Variants in AUTS2 observed in about 807,000 individuals in gnomAD.
AUTS2 encodes activator of transcription and developmental regulator AUTS2, also known as autism susceptibility gene 2 protein.
In AUTS2, 17 loss-of-function variants were observed where a neutral mutation model predicts 112.4. The observed-to-expected ratio is 0.15, with a 90% CI of 0.10 to 0.23. The LOEUF (loss-of-function observed/expected upper bound fraction) is 0.23, where lower values mean the gene tolerates loss of function less well. Among genes scored for constraint, AUTS2 ranks in the 10% least tolerant of loss-of-function variants. AUTS2 has a pLI of 1.00. For synonymous variants in AUTS2, 751 were observed against 702.7 expected (o/e 1.07, Z -1.09); for missense variants, 1,510 against 1,701.6 (o/e 0.89, Z 1.98).
At chr7:69,842,069 G>C (rs1792005217) in intron 1 of AUTS2, among the ~76,000 whole-genome samples, 1 of 152,130 alleles carries the variant, frequency 6.6e-6, no homozygotes, top group South Asian at 2.1e-4. Flanking sequence ...CATAGAGAAA[G>C]CTGTGAATTC....
intron 4 of AUTS2, among the ~76,000 whole-genome samples, chr7:70,258,271 A>G (rs1289590025): frequency 6.6e-6 from 1 of 152,218 alleles, no homozygotes; most frequent in Admixed American, 6.5e-5. Flanking sequence ...AGAGGTCAAG[A>G]AAGGGCATCT....
chr7:70,392,756 T>G (rs1793920446), intron 4 of AUTS2, among the ~76,000 whole-genome samples: 2 of 152,210 alleles, frequency 1.3e-5, no homozygotes, highest in Non-Finnish European at 2.9e-5. Flanking sequence ...TTGGTACCGC[T>G]CTTGCTTTGA....
intron 2 of AUTS2, among the ~76,000 whole-genome samples, chr7:69,975,798 G>A (rs937996179): frequency 1.7e-4 from 25 of 151,084 alleles, no homozygotes; most frequent in African/African-American, 5.1e-4. Flanking sequence ...AGCAATTCTC[G>A]GGTCTCAGCC....
intron 4 of AUTS2, among the ~76,000 whole-genome samples, chr7:70,276,870 G>A (rs1403209363): frequency 6.6e-6 from 1 of 152,166 alleles, no homozygotes; most frequent in Non-Finnish European, 1.5e-5. Context: ...TCAAAGAAAA[G>A]AGTTTATCAG....
At chr7:70,576,174 C>G (rs974049682) in intron 5 of AUTS2, among the ~76,000 whole-genome samples, 1 of 152,156 alleles carries the variant, frequency 6.6e-6, no homozygotes, top group African/African-American at 2.4e-5. Context: ...ATCACCAACA[C>G]CAGTGCACTG....
chr7:69,755,606 A>T (rs1787914828), intron 1 of AUTS2, among the ~76,000 whole-genome samples: 1 of 152,206 alleles, frequency 6.6e-6, no homozygotes, highest in African/African-American at 2.4e-5. Flanking sequence ...GAGCAACATT[A>T]TGATGAGAGC....
chr7:70,547,791 G>A (rs1478935287), intron 5 of AUTS2, among the ~76,000 whole-genome samples: 2 of 152,148 alleles, frequency 1.3e-5, no homozygotes, highest in Non-Finnish European at 2.9e-5. Context: ...GAGTGGACAT[G>A]TGTTTTCATT....
At chr7:70,771,714 G>A (rs77689385) in intron 11 of AUTS2, 70 bp downstream of exon 11, 1 of 1,387,396 alleles carries the variant, frequency 7.2e-7, no homozygotes, top group Non-Finnish European at 1.0e-6. Flanking sequence ...CGTGCAGGAA[G>A]TTCTGCGTCC....
chr7:70,146,569 ATCT>A (rs1584789108), intron 4 of AUTS2, among the ~76,000 whole-genome samples: 1 of 151,916 alleles, frequency 6.6e-6, no homozygotes, highest in East Asian at 1.9e-4. Flanking sequence ...CTTTTCTCTC[ATCT>A]TCTGTTTTCC....
chr7:70,631,109 C>A lies in AUTS2; in HGVS notation c.691-67460C>A, dbSNP rs1348881091. 2.0e-5 allele frequency among the ~76,000 whole-genome samples: 3 copies of A among 152,296 alleles called. No homozygotes were observed. The East Asian group carries it at 5.8e-4, about 29-fold the overall frequency. ...TGCTTCCCTCAGCAGCAGCCACAGC[C>A]AGCAACCCGCTCTGGCCCCTCGCCG... On this transcript the variant is annotated intron_variant, in intron 5 of 18. Transcript: ENST00000342771. This position sits in a 1 kb window ranked among gnomAD's most constrained non-coding sequence, Gnocchi z 4.5.
At chr7:70,590,790 G>A (rs910546618) in intron 5 of AUTS2, among the ~76,000 whole-genome samples, 1 of 152,196 alleles carries the variant, frequency 6.6e-6, no homozygotes, top group Non-Finnish European at 1.5e-5. Context: ...AAACATACGT[G>A]TAGTTGTGAA....
chr7:70,602,067 A>G (rs1803500320), intron 5 of AUTS2, among the ~76,000 whole-genome samples: 1 of 152,104 alleles, frequency 6.6e-6, no homozygotes. Flanking sequence ...AAGATACCTG[A>G]GACTACCAGG....
Position 69,803,375 on chromosome 7 carries a change from C to T in AUTS2, c.310-95911C>T, listed in dbSNP as rs138673999. Among the ~76,000 whole-genome samples the T allele has an allele frequency of 3.5e-3, 538 of 152,136 alleles. 2 individuals are homozygous for T. The highest frequency in any genetic ancestry group is 0.012 in the African/African-American group (511 of 41,460). ...CCAGTGGGGGCCATCTAGAAGCCACCGATGCCCACTAATATAACAAAACTC... is the reference window on the plus strand; with the variant it reads ...CCAGTGGGGGCCATCTAGAAGCCACTGATGCCCACTAATATAACAAAACTC... On this transcript the variant is annotated intron_variant, in intron 1 of 18. Coordinates refer to ENST00000342771, the MANE Select transcript of AUTS2 (RefSeq NM_015570.4).
At chr7:70,475,214 C>T (rs1797537361) in intron 5 of AUTS2, among the ~76,000 whole-genome samples, 1 of 152,166 alleles carries the variant, frequency 6.6e-6, no homozygotes, top group East Asian at 1.9e-4. Flanking sequence ...GCTCACCTAT[C>T]CCTAACATGC....
chr7:70,505,802 T>A (rs1798937410), intron 5 of AUTS2, among the ~76,000 whole-genome samples: 1 of 152,136 alleles, frequency 6.6e-6, no homozygotes, highest in Non-Finnish European at 1.5e-5. Context: ...GGACCTTTCA[T>A]GTTTCTCTGC....
At chr7:70,752,295 C>T (rs1201639764) in intron 6 of AUTS2, among the ~76,000 whole-genome samples, 2 of 152,114 alleles carry the variant, frequency 1.3e-5, no homozygotes, top group Admixed American at 6.5e-5. Context: ...TCTTTAAAAG[C>T]TTTCTCCGAA....
chr7:69,933,862 T>C (rs897132121), intron 2 of AUTS2, among the ~76,000 whole-genome samples: 29 of 152,296 alleles, frequency 1.9e-4, no homozygotes, highest in African/African-American at 5.8e-4. Flanking sequence ...TTGAAACCTT[T>C]GTTCTTTCCC....
intron 1 of AUTS2, among the ~76,000 whole-genome samples, chr7:69,771,968 A>C (rs1480462187): frequency 1.3e-5 from 2 of 152,030 alleles, no homozygotes; most frequent in Non-Finnish European, 2.9e-5. Context: ...TGTTTTTAGT[A>C]GAGATGGAGT....
At chr7:69,807,326 ATTAG>A (rs948663937) in intron 1 of AUTS2, among the ~76,000 whole-genome samples, 7 of 152,202 alleles carry the variant, frequency 4.6e-5, no homozygotes, top group African/African-American at 1.4e-4. Flanking sequence ...TTTTAGGTGT[ATTAG>A]TTATGTATGG....
Sources: allele counts gnomAD v4.1 joint callset (sites outside exome capture counted in the v4.1 genomes callset), GRCh38; gene constraint gnomAD v4.1.1; non-coding constraint Gnocchi (gnomAD v3.1); transcripts MANE v1.5; gene names NCBI Gene and HGNC (gene_info 2026-07-23, HGNC 2026-07-21).